Variants in EMC10 observed in about 807,000 individuals in gnomAD.
The protein encoded by EMC10 is UPF0510 protein INM02.
A neutral mutation model predicts 32.2 loss-of-function variants in EMC10; 40 were observed. The observed-to-expected ratio is 1.24, with a 90% CI of 0.96 to 1.61. EMC10 has a LOEUF of 1.61. Ranked by LOEUF, EMC10 falls within the 40% of genes most tolerant of loss-of-function variation. The pLI is 0.00. For missense variants in EMC10, 402 were observed against 357.7 expected (o/e 1.12, Z -1.00); for synonymous variants, 178 against 158.4 (o/e 1.12, Z -0.93).
Position 50,480,652 on chromosome 19 carries a change from C to T in EMC10, c.474C>T (p.Gly158=), listed in dbSNP as rs1303582885. The change falls in exon 5 of 7, where the codon GGC becomes GGT. Residue 158 remains glycine, a synonymous_variant. Transcript: ENST00000334976. The surrounding 1 kb of genome is among the most constrained non-coding windows in gnomAD (Gnocchi z 4.4). The part of the protein sequence containing the change: ...LHVDVAGNVV[G]VSVVTHPGGC... Reference sequence around the variant, plus strand: ...TGGATGTGGCCGGCAACGTGGTGGGCGTGTCGGTGGTGACGCACCCCGGGG... The same window carrying T: ...TGGATGTGGCCGGCAACGTGGTGGGTGTGTCGGTGGTGACGCACCCCGGGG... 5.0e-6 allele frequency: 8 copies of T among 1,591,388 alleles called. No individual in the cohort carries two copies. The highest frequency in any genetic ancestry group is 4.0e-5 in the African/African-American group (3 of 74,454).
At chr19:50,481,953 G>A (rs766135894) in intron 6 of EMC10, 196 bp from the exon 7 acceptor site, 10 of 1,608,038 alleles carry the variant, frequency 6.2e-6, no homozygotes, top group East Asian at 2.2e-5. Flanking sequence ...CCTGAGTGAG[G>A]ACCGAGACCC....
At chr19:50,477,465 A>T (rs1043935251) in intron 1 of EMC10, among the ~76,000 whole-genome samples, 4 of 152,226 alleles carry the variant, frequency 2.6e-5, no homozygotes, top group Admixed American at 2.6e-4. Context: ...TTTGTCTCCT[A>T]AATATGCGTG....
intron 6 of EMC10, 139 bp from the exon 7 acceptor site, chr19:50,482,010 T>C: frequency 6.3e-7 from 1 of 1,592,500 alleles, no homozygotes; most frequent in Non-Finnish European, 8.6e-7. Context: ...TGTAGTGACG[T>C]AGGGGACCTG....
Position 50,476,584 on chromosome 19 carries a change from C to G in EMC10, c.40C>G (p.Leu14Val). ...ASAGATRLLL[L>V]LLMAVAAPSR... The stretch of plus-strand genomic sequence containing the variant: ...CGCTGGGGCAACCCGGCTGCTCCTG[C>G]TCTTGCTGATGGCGGTAGCAGCGCC... The change falls in exon 1 of 7, where the codon CTC (leucine) becomes GTC (valine). Residue 14 changes from leucine to valine, a missense_variant. By Grantham distance (32) the Leu-to-Val change is conservative (BLOSUM62 1). Transcript: ENST00000334976. 6.3e-7 allele frequency: 1 copy of G among 1,576,044 alleles called. No individual in the cohort carries two copies. Among genetic ancestry groups the G allele is most frequent in the Non-Finnish European group, 8.6e-7 (1 of 1,166,566 alleles).
intron 2 of EMC10, 78 bp downstream of exon 2, chr19:50,478,079 CCGT>C: frequency 6.6e-6 from 8 of 1,209,566 alleles, no homozygotes; most frequent in Non-Finnish European, 1.2e-6. Flanking sequence ...TGGGTGCCTC[CCGT>C]CGTATGACAT....
rs111697118 is a variant in EMC10, at chr19:50,480,516, G to A, written c.403-65G>A. On this transcript the variant is annotated intron_variant, in intron 4 of 6. Transcript: ENST00000334976. The surrounding 1 kb of genome is among the most constrained non-coding windows in gnomAD (Gnocchi z 4.4). Reference sequence around the variant, plus strand: ...TCCGGGGGTCCTGTGGTGGGGGCCGGGGGAGGTTAGGGTGGAGCCCAGGCA... The same window carrying A: ...TCCGGGGGTCCTGTGGTGGGGGCCGAGGGAGGTTAGGGTGGAGCCCAGGCA... 2.0e-6 allele frequency: 3 copies of A among 1,519,608 alleles called. No individual in the cohort carries two copies. Among genetic ancestry groups the A allele is most frequent in the African/African-American group, 2.8e-5 (2 of 72,372 alleles). 94.1% of individuals were successfully genotyped at this position (1,519,608 alleles called of 1,614,324 possible).
intron 2 of EMC10, among the ~76,000 whole-genome samples, chr19:50,478,486 G>T (rs904291496): frequency 8.5e-5 from 13 of 152,162 alleles, no homozygotes; most frequent in African/African-American, 2.7e-4. Flanking sequence ...CCCAGAGCTG[G>T]ACGTCAGTGC....
rs773262366 is a variant in EMC10, at chr19:50,480,781, C to T, written c.584+19C>T. On this transcript the variant is annotated intron_variant, in intron 5 of 6. Transcript: ENST00000334976. This position sits in a 1 kb window ranked among gnomAD's most constrained non-coding sequence, Gnocchi z 4.4. ...CCCCAGGGTGAGCCTCTGCTGCCTTCGCGGCGCTCTTGCCACCTGCCCCGG... is the reference window on the plus strand; with the variant it reads ...CCCCAGGGTGAGCCTCTGCTGCCTTTGCGGCGCTCTTGCCACCTGCCCCGG... The T allele has an allele frequency of 1.1e-5, 18 of 1,572,330 alleles. No homozygotes were observed. Among genetic ancestry groups the T allele is most frequent in the East Asian group, 4.5e-5 (2 of 44,168 alleles).
rs2122670475 is a variant in EMC10 at position 50,484,420 on chromosome 19, C to T, written c.*2161C>T. On this transcript the variant is annotated 3_prime_UTR_variant, in exon 7 of 7. Coordinates refer to ENST00000334976, the MANE Select transcript of EMC10 (RefSeq NM_206538.4). ...TTCTACCCCGGCACTGGGGGAACAT[C>T]TTATTTTTCCTGGGTTAAACATTGG... 6.6e-6 allele frequency: 1 copy of T among 152,260 alleles called. No individual in the cohort carries two copies. Among genetic ancestry groups the T allele is most frequent in the Admixed American group, 6.5e-5 (1 of 15,282 alleles). 9.4% of individuals were successfully genotyped at this position (152,260 alleles called of 1,614,324 possible). A position where few individuals can be genotyped will look rare whatever the true frequency, so the allele number is the denominator to read the frequency against.
chr19:50,476,572 CG>C lies in EMC10; in HGVS notation c.30del (p.Leu11CysfsTer6). On this transcript the variant is annotated frameshift_variant, in exon 1 of 7. Transcript: ENST00000334976. LOFTEE classifies it high-confidence loss of function. ...GGCGGCAGCCAGCGCTGGGGCAACC[CG>C]GCTGCTCCTGCTCTTGCTGATGGCG... MAAASAGAT[R>X]LLLLLLMAVA... 1.3e-6 allele frequency: 2 copies of C among 1,575,528 alleles called. No homozygotes were observed. Among genetic ancestry groups the C allele is most frequent in the Non-Finnish European group, 1.7e-6 (2 of 1,166,362 alleles).
In EMC10 at chr19:50,483,134, A is replaced by G; in HGVS notation, c.*875A>G. ...TTTAAAAACATCGACGATACATTGA[A>G]ATGTGTGAACGTTTTGAAAAGCTAC... is the stretch of plus-strand genomic sequence containing the variant. On this transcript the variant is annotated 3_prime_UTR_variant, in exon 7 of 7. Coordinates refer to ENST00000334976, the MANE Select transcript of EMC10 (RefSeq NM_206538.4). The G allele has an allele frequency of 2.1e-6, 1 of 466,832 alleles. No homozygotes were observed. Among genetic ancestry groups the G allele is most frequent in the South Asian group, 1.5e-5 (1 of 64,632 alleles). 28.9% of individuals were successfully genotyped at this position (466,832 alleles called of 1,614,324 possible).
chr19:50,487,069 A>G lies in EMC10; in HGVS notation c.*4810A>G, dbSNP rs540109201. 1.7e-4 allele frequency: 26 copies of G among 152,198 alleles called. No individual in the cohort carries two copies. Among genetic ancestry groups the G allele is most frequent in the East Asian group, 1.5e-3 (8 of 5,168 alleles). 9.4% of individuals were successfully genotyped at this position (152,198 alleles called of 1,614,324 possible). Reference sequence around the variant, plus strand: ...AGGCCGGCGCCTGTGGCTTCTCTCAATGGAGGGAAGTGTCCTGCAGGGGGC... The same window carrying G: ...AGGCCGGCGCCTGTGGCTTCTCTCAGTGGAGGGAAGTGTCCTGCAGGGGGC... On this transcript the variant is annotated 3_prime_UTR_variant, in exon 7 of 7. Transcript: ENST00000334976.
At chr19:50,482,030 C>A (rs929306382) in intron 6 of EMC10, 119 bp from the exon 7 acceptor site, 3 of 1,550,590 alleles carry the variant, frequency 1.9e-6, no homozygotes, top group Non-Finnish European at 2.7e-6. Context: ...GGGCGCCCTC[C>A]CCTTACGCGA....
chr19:50,490,776 G>C lies in EMC10; in HGVS notation c.*8517G>C, dbSNP rs976839785. ...GCAAGAGCCAGCGGGACGGTGGGGC[G>C]GATGGCAGAGGCTTCGCTGCTGGAA... On this transcript the variant is annotated 3_prime_UTR_variant, in exon 7 of 7. Coordinates refer to ENST00000334976, the MANE Select transcript of EMC10 (RefSeq NM_206538.4). 2 of 152,220 alleles carry C rather than the reference G, an allele frequency of 1.3e-5. No individual in the cohort carries two copies. Among genetic ancestry groups the C allele is most frequent in the African/African-American group, 4.8e-5 (2 of 41,438 alleles). 9.4% of individuals were successfully genotyped at this position (152,220 alleles called of 1,614,324 possible). A position where few individuals can be genotyped will look rare whatever the true frequency, so the allele number is the denominator to read the frequency against.
rs2040223078 is a variant in EMC10 at position 50,476,562 on chromosome 19, TG to T, written c.22del (p.Ala8GlnfsTer9). 3 of 1,575,666 alleles carry T rather than the reference TG, an allele frequency of 1.9e-6. No individual in the cohort carries two copies. Among genetic ancestry groups the T allele is most frequent in the East Asian group, 2.3e-5 (1 of 42,912 alleles). ...AAGCCGAGATGGCGGCAGCCAGCGC[TG>T]GGGCAACCCGGCTGCTCCTGCTCTT... MAAASA[G>X]ATRLLLLLLM... On this transcript the variant is annotated frameshift_variant, in exon 1 of 7. Coordinates refer to ENST00000334976, the MANE Select transcript of EMC10 (RefSeq NM_206538.4). LOFTEE classifies it high-confidence loss of function.
rs538348751 is a variant in EMC10 at position 50,486,845 on chromosome 19, T to G, written c.*4586T>G. On this transcript the variant is annotated 3_prime_UTR_variant, in exon 7 of 7. Transcript: ENST00000334976. ...ATGATGTTTGTATATTGATTAGGAG[T>G]AAAAATGTTCATTTTTACAAAATAT... 6.6e-6 allele frequency: 1 copy of G among 152,230 alleles called. No individual in the cohort carries two copies. The highest frequency in any genetic ancestry group is 2.4e-5 in the African/African-American group (1 of 41,530). The allele number at this position is 152,230 out of a possible 1,614,324, so 9.4% of individuals were successfully genotyped here.
In EMC10 at chr19:50,480,745, GC is replaced by G; in HGVS notation, c.570del (p.Thr191ProfsTer48). 6.3e-7 allele frequency: 1 copy of G among 1,592,848 alleles called. No homozygotes were observed. The highest frequency in any genetic ancestry group is 8.5e-7 in the Non-Finnish European group (1 of 1,169,906). Reference sequence around the variant, plus strand: ...TCAACACCTCGGTGCAGCTGCAGCCGCCCACCACAGCCCCAGGGTGAGCCTC... The same window carrying G: ...TCAACACCTCGGTGCAGCTGCAGCCGCCACCACAGCCCCAGGGTGAGCCTC... ...LFNTSVQLQP[P>X]TTAPGPETAA... On this transcript the variant is annotated frameshift_variant, in exon 5 of 7. Coordinates refer to ENST00000334976, the MANE Select transcript of EMC10 (RefSeq NM_206538.4). LOFTEE classifies it high-confidence loss of function. The surrounding 1 kb of genome is among the most constrained non-coding windows in gnomAD (Gnocchi z 4.4).
rs763093116 is a variant in EMC10, at chr19:50,480,098, C to A, written c.298-13C>A. On this transcript the variant is annotated splice_polypyrimidine_tract_variant and intron_variant, in intron 3 of 6. Coordinates refer to ENST00000334976, the MANE Select transcript of EMC10 (RefSeq NM_206538.4). The surrounding 1 kb of genome is among the most constrained non-coding windows in gnomAD (Gnocchi z 4.4). ...CCATCCTTCTGACCAGCACCCTCTT[C>A]TCCCATCCCCAGGATGTGGCAGCCC... The A allele has an allele frequency of 1.9e-6, 3 of 1,600,024 alleles. No homozygotes were observed. Among genetic ancestry groups the A allele is most frequent in the African/African-American group, 2.7e-5 (2 of 74,970 alleles).
intron 2 of EMC10, among the ~76,000 whole-genome samples, chr19:50,478,578 G>C (rs1394721871): frequency 1.3e-5 from 2 of 152,184 alleles, no homozygotes; most frequent in Non-Finnish European, 2.9e-5. Context: ...GCAAACCCTG[G>C]CATCTGCTCA....
Sources: allele counts gnomAD v4.1 joint callset (sites outside exome capture counted in the v4.1 genomes callset), GRCh38; gene constraint gnomAD v4.1.1; non-coding constraint Gnocchi (gnomAD v3.1); transcripts MANE v1.5; gene names NCBI Gene and HGNC (gene_info 2026-07-23, HGNC 2026-07-21).